SLC22A25: variants seen among roughly 807,000 people sequenced by gnomAD.
The protein encoded by SLC22A25 is MGI:2442751, MGI:2385316, MGI:3042283, MGI:3645714, MGI:3605624, MGI:2442750.
In SLC22A25, 44 loss-of-function variants were observed where a neutral mutation model predicts 45.9. The ratio of observed to expected loss-of-function variants is 0.96; its 90% CI spans 0.75 to 1.23. The LOEUF (loss-of-function observed/expected upper bound fraction) is 1.23. Among genes scored for constraint, SLC22A25 ranks in the 50% most tolerant of loss-of-function variants. The pLI, the probability that SLC22A25 is intolerant of heterozygous loss-of-function variation, is 0.00. For synonymous variants in SLC22A25, 283 were observed against 238.6 expected (o/e 1.19, Z -1.72); for missense variants, 800 against 666.4 (o/e 1.20, Z -2.21).
chr11:63,240,350 G>T (rs947737529), intron 1 of SLC22A25, among the ~76,000 whole-genome samples: 22 of 152,040 alleles, frequency 1.4e-4, no homozygotes, highest in African/African-American at 5.3e-4. Context: ...TAGAGTCAAA[G>T]AAAAATGTTT....
intron 7 of SLC22A25, among the ~76,000 whole-genome samples, chr11:63,200,149 A>G (rs541150114): frequency 1.7e-4 from 26 of 151,988 alleles, no homozygotes; most frequent in African/African-American, 5.8e-4. Flanking sequence ...TCCCTAACTC[A>G]TTCTATGAGG....
At chr11:63,203,855 A>G (rs1161355004) in intron 7 of SLC22A25, among the ~76,000 whole-genome samples, 3 of 152,182 alleles carry the variant, frequency 2.0e-5, no homozygotes, top group Non-Finnish European at 4.4e-5. Context: ...ACAGATAAGC[A>G]TCAGATTCAG....
chr11:63,209,511 C>G (rs1306405502), intron 7 of SLC22A25, among the ~76,000 whole-genome samples: 1 of 152,210 alleles, frequency 6.6e-6, no homozygotes, highest in African/African-American at 2.4e-5. Context: ...GAAAGAGTAA[C>G]AGAAGCCCCC....
At position 63,160,819 on chromosome 11, in the gene SLC22A25, G is replaced by A. The variant is rs1435392357; in HGVS notation, c.*3005C>T. Among the ~76,000 whole-genome samples, 3 of 152,202 alleles carry A rather than the reference G, an allele frequency of 2.0e-5. No individual in the cohort carries two copies. In the East Asian group the frequency reaches 5.8e-4, roughly 29 times the overall value. On this transcript the variant is annotated 3_prime_UTR_variant, in exon 12 of 12. Coordinates refer to ENST00000306494, the MANE Select transcript of SLC22A25 (RefSeq NM_199352.6). ...CCTTTTGCATCATTGTGACCCAAAT[G>A]TGAGACATGCAGTCAAAGGAGATAA...
Position 63,177,841 on chromosome 11 carries a change from A to G in SLC22A25, c.1070+2819T>C, listed in dbSNP as rs973131838. Among the ~76,000 whole-genome samples, 4 of 122,326 alleles carry G rather than the reference A, an allele frequency of 3.3e-5. 1 individual carries two copies. In the East Asian group the frequency reaches 9.2e-4, roughly 28 times the overall value. 80.3% of individuals were successfully genotyped at this position (122,326 alleles called of 152,430 possible). ...TATATAATGTATATATATAATGTGT[A>G]TATATATATAATGTATATATATAAT... On this transcript the variant is annotated intron_variant, in intron 9 of 11. Coordinates refer to ENST00000306494, the MANE Select transcript of SLC22A25 (RefSeq NM_199352.6).
intron 7 of SLC22A25, among the ~76,000 whole-genome samples, chr11:63,215,564 C>A (rs1043829578): frequency 6.6e-6 from 1 of 152,034 alleles, no homozygotes; most frequent in Non-Finnish European, 1.5e-5. Context: ...ACATGTATTC[C>A]AGAACTTAGA....
chr11:63,202,654 A>C (rs747195625), intron 7 of SLC22A25, among the ~76,000 whole-genome samples: 1 of 152,220 alleles, frequency 6.6e-6, no homozygotes, highest in Non-Finnish European at 1.5e-5. Flanking sequence ...AAGCAGCCCC[A>C]GTCACGGGCT....
At chr11:63,210,688 G>C (rs532803176) in intron 7 of SLC22A25, among the ~76,000 whole-genome samples, 1 of 152,074 alleles carries the variant, frequency 6.6e-6, no homozygotes, top group Non-Finnish European at 1.5e-5. Flanking sequence ...GTAGGGGGCC[G>C]ATTAATGGAT....
chr11:63,217,410 T>C lies in SLC22A25; in HGVS notation c.734A>G (p.His245Arg), dbSNP rs554671567. 1 of 1,614,066 alleles carries C rather than the reference T, an allele frequency of 6.2e-7. No homozygotes were observed. The highest frequency in any genetic ancestry group is 1.1e-5 in the South Asian group (1 of 91,080). The change falls in exon 7 of 12, where the codon CAT becomes CGT. Residue 245 changes from histidine (H) to arginine (R), a missense_variant. Coordinates refer to ENST00000306494, the MANE Select transcript of SLC22A25 (RefSeq NM_199352.6). ...TLTLCAASIGHITLGSLAFVI... is the reference protein window; with the variant it reads ...TLTLCAASIGRITLGSLAFVI... ...AAAAGCCAGGCTTCCCAGGGTTATA[T>C]GTCCAATACTAGCAGCACAAAGTGT...
At chr11:63,241,074 A>G (rs566713109) in intron 1 of SLC22A25, among the ~76,000 whole-genome samples, 6 of 152,354 alleles carry the variant, frequency 3.9e-5, no homozygotes, top group African/African-American at 1.4e-4. Context: ...GGCACATGAA[A>G]ATATTAGTAT....
At chr11:63,194,377 T>A (rs1479933850) in intron 7 of SLC22A25, among the ~76,000 whole-genome samples, 1 of 151,708 alleles carries the variant, frequency 6.6e-6, no homozygotes, top group Non-Finnish European at 1.5e-5. Context: ...TCACCAAAGT[T>A]GAAGGAAAAA....
intron 5 of SLC22A25, among the ~76,000 whole-genome samples, chr11:63,227,679 C>T (rs1353214408): frequency 6.6e-6 from 1 of 152,184 alleles, no homozygotes; most frequent in East Asian, 1.9e-4. Context: ...CCTGTGCTCC[C>T]CATGTCCACT....
chr11:63,177,902 G>GTATA (rs1215441714), intron 9 of SLC22A25, among the ~76,000 whole-genome samples: 1 of 125,278 alleles, frequency 8.0e-6, no homozygotes, highest in Admixed American at 8.4e-5. Context: ...TATATATAAT[G>GTATA]TATATCCCAT....
At chr11:63,226,872 C>T (rs2089972679) in intron 5 of SLC22A25, among the ~76,000 whole-genome samples, 1 of 152,208 alleles carries the variant, frequency 6.6e-6, no homozygotes, top group Non-Finnish European at 1.5e-5. Context: ...AAAATCCTTT[C>T]CACTCTTCTC....
chr11:63,189,145 T>C (rs2088689558), intron 7 of SLC22A25, among the ~76,000 whole-genome samples: 1 of 152,132 alleles, frequency 6.6e-6, no homozygotes, highest in African/African-American at 2.4e-5. Context: ...GACAGTGGGG[T>C]GTTAAAGTCT....
chr11:63,187,551 G>A (rs1001900799), intron 7 of SLC22A25, among the ~76,000 whole-genome samples: 11 of 152,154 alleles, frequency 7.2e-5, no homozygotes, highest in Non-Finnish European at 1.5e-5. Flanking sequence ...TCTCCTGCCT[G>A]ATTGCCCTGG....
intron 3 of SLC22A25, among the ~76,000 whole-genome samples, chr11:63,234,189 C>T (rs1022659321): frequency 4.6e-5 from 7 of 152,100 alleles, no homozygotes; most frequent in African/African-American, 1.4e-4. Flanking sequence ...TCCTGGATAT[C>T]CTTGTTAACT....
At chr11:63,187,157 T>A (rs1490132337) in intron 7 of SLC22A25, among the ~76,000 whole-genome samples, 1 of 152,204 alleles carries the variant, frequency 6.6e-6, no homozygotes, top group African/African-American at 2.4e-5. Flanking sequence ...TTTCATGATA[T>A]TGAATCTTCC....
At chr11:63,225,292 C>G (rs2089936938) in intron 5 of SLC22A25, among the ~76,000 whole-genome samples, 3 of 151,990 alleles carry the variant, frequency 2.0e-5, no homozygotes, top group South Asian at 2.1e-4. Flanking sequence ...GAATAATTTC[C>G]TTTAGCATTT....
Sources: allele counts gnomAD v4.1 joint callset (sites outside exome capture counted in the v4.1 genomes callset), GRCh38; gene constraint gnomAD v4.1.1; transcripts MANE v1.5; gene names NCBI Gene and HGNC (gene_info 2026-07-23, HGNC 2026-07-21).